CDH13: variants seen among roughly 807,000 people sequenced by gnomAD.
CDH13 encodes the protein cadherin 13.
A neutral mutation model predicts 63.8 loss-of-function variants in CDH13; 24 were observed. That is an observed-to-expected ratio of 0.38 (90% confidence interval 0.27 to 0.53). The LOEUF is 0.53. Ranked by LOEUF, CDH13 falls within the 20% of genes least tolerant of loss-of-function variation. The pLI is 0.85. For synonymous variants in CDH13, 503 were observed against 355.3 expected, an observed-to-expected ratio of 1.42 and a Z score of -4.67; for missense variants, 1,049 against 903.1, an observed-to-expected ratio of 1.16 and a Z score of -2.07.
chr16:83,294,195 C>A lies in CDH13; in HGVS notation c.637-50667C>A, dbSNP rs545095135. ...TACATTGTGGAATGATTAAATCTAG[C>A]TAATGAACATATGCATTATGTCACA... is the stretch of plus-strand genomic sequence containing the variant. On this transcript the variant is annotated intron_variant, in intron 5 of 13. Transcript: ENST00000567109. Among the ~76,000 whole-genome samples the A allele has an allele frequency of 5.9e-5, 9 of 152,188 alleles. No homozygotes were observed. In the South Asian group the frequency reaches 1.9e-3, roughly 32 times the overall value.
intron 1 of CDH13, among the ~76,000 whole-genome samples, chr16:82,673,002 T>TTTTTTTTC (rs1913463064): frequency 8.7e-6 from 1 of 114,438 alleles, no homozygotes; most frequent in African/African-American, 3.6e-5. Flanking sequence ...AAGTTTTCTT[T>TTTTTTTTC]TTTTTTTTTT....
intron 6 of CDH13, among the ~76,000 whole-genome samples, chr16:83,445,226 TG>T (rs1406883882): frequency 6.9e-6 from 1 of 144,472 alleles, no homozygotes; most frequent in Non-Finnish European, 1.5e-5. Context: ...AAACTGAGGC[TG>T]CGAGAGTTTA....
chr16:83,023,786 A>T (rs1342332635), intron 2 of CDH13, among the ~76,000 whole-genome samples: 2 of 152,210 alleles, frequency 1.3e-5, no homozygotes, highest in East Asian at 3.8e-4. Flanking sequence ...GGCTGATGTC[A>T]TCACATGCAC....
chr16:83,145,101 G>T (rs949333277), intron 4 of CDH13, among the ~76,000 whole-genome samples: 6 of 152,160 alleles, frequency 3.9e-5, no homozygotes, highest in Admixed American at 1.3e-4. Flanking sequence ...TCCATATGCT[G>T]CTCCTCCAAT....
At chr16:83,497,196 A>G (rs1050790178) in intron 7 of CDH13, among the ~76,000 whole-genome samples, 8 of 152,144 alleles carry the variant, frequency 5.3e-5, no homozygotes, top group African/African-American at 1.9e-4. Context: ...ATGCTGCTAT[A>G]AAGACACATG....
intron 5 of CDH13, among the ~76,000 whole-genome samples, chr16:83,277,507 A>T (rs1463950154): frequency 1.3e-5 from 2 of 152,200 alleles, no homozygotes; most frequent in East Asian, 3.9e-4. Context: ...TTAAAGTGTG[A>T]TCAGTGAGAA....
At chr16:82,984,410 G>A (rs1910677768) in intron 2 of CDH13, among the ~76,000 whole-genome samples, 2 of 152,176 alleles carry the variant, frequency 1.3e-5, no homozygotes, top group African/African-American at 4.8e-5. Context: ...TTTAAATTCT[G>A]ACTCTGCTAC....
intron 6 of CDH13, among the ~76,000 whole-genome samples, chr16:83,356,887 C>G (rs1398462821): frequency 1.3e-5 from 2 of 152,134 alleles, no homozygotes; most frequent in Non-Finnish European, 2.9e-5. Flanking sequence ...AGTACCCAAG[C>G]TATTTTATTA....
rs185727610 is a variant in CDH13, at chr16:83,159,210, A to G, written c.483+33709A>G. Among the ~76,000 whole-genome samples, 848 of 152,302 alleles carry G rather than the reference A, an allele frequency of 5.6e-3. 11 individuals are homozygous for G. Among genetic ancestry groups the G allele is most frequent in the Middle Eastern group, 0.02 (6 of 294 alleles). ...CCTGGGGGAAACAAAAAAAAAGACC[A>G]TTCATCAGTCTGCTGATTCTATATC... On this transcript the variant is annotated intron_variant, in intron 4 of 13. Coordinates refer to ENST00000567109, the MANE Select transcript of CDH13 (RefSeq NM_001257.5).
intron 1 of CDH13, among the ~76,000 whole-genome samples, chr16:82,786,710 C>T (rs12933196): frequency 0.3 from 43,369 of 144,254 alleles, 7,034 homozygotes; most frequent in South Asian, 0.45. Context: ...TGTGTCCAAG[C>T]GTTCTCATTG....
chr16:82,796,550 C>T (rs1440461017), intron 1 of CDH13, among the ~76,000 whole-genome samples: 3 of 152,144 alleles, frequency 2.0e-5, no homozygotes, highest in African/African-American at 7.2e-5. Flanking sequence ...TTGAGTCTTC[C>T]CAGGAGGTGT....
chr16:82,815,278 C>G (rs918332741), intron 1 of CDH13, among the ~76,000 whole-genome samples: 11 of 152,148 alleles, frequency 7.2e-5, no homozygotes, highest in African/African-American at 2.7e-4. Flanking sequence ...ATCCACATCA[C>G]AGCTCCACCC....
At chr16:82,705,133 C>T (rs1046717616) in intron 1 of CDH13, 4 of 455,924 alleles carry the variant, frequency 8.8e-6, no homozygotes, top group South Asian at 4.6e-5. Flanking sequence ...GAGATAGTAA[C>T]AGTCTTGCTG....
chr16:83,125,378 C>T lies in CDH13; in HGVS notation c.367-7C>T, dbSNP rs1421546574. On this transcript the variant is annotated splice_region_variant and splice_polypyrimidine_tract_variant and intron_variant, in intron 3 of 13. Transcript: ENST00000567109. ...ATTTTAATCAATCCTTTTGTTTTCC[C>T]TTTTAGGATATATTTAAATTTGCAA... 1 of 1,445,136 alleles carries T rather than the reference C, an allele frequency of 6.9e-7. No individual in the cohort carries two copies. Among genetic ancestry groups the T allele is most frequent in the Non-Finnish European group, 9.7e-7 (1 of 1,027,194 alleles). 89.5% of individuals were successfully genotyped at this position (1,445,136 alleles called of 1,614,324 possible).
At position 83,690,294 on chromosome 16, in the gene CDH13, A is replaced by G. The variant is rs913615975; in HGVS notation, c.1538+11833A>G. On this transcript the variant is annotated intron_variant, in intron 10 of 13. Transcript: ENST00000567109. ...AGTAACTGGTGATTAATGCAAAGAA[A>G]GGAAGCAGAGAAGGAAGGAGGGGAG... is the stretch of plus-strand genomic sequence containing the variant. 2.6e-5 allele frequency among the ~76,000 whole-genome samples: 4 copies of G among 152,234 alleles called. 1 individual carries two copies. Among genetic ancestry groups the G allele is most frequent in the Admixed American group, 2.6e-4 (4 of 15,290 alleles).
At chr16:82,690,921 T>G (rs1915583333) in intron 1 of CDH13, among the ~76,000 whole-genome samples, 1 of 152,172 alleles carries the variant, frequency 6.6e-6, no homozygotes, top group South Asian at 2.1e-4. Flanking sequence ...TAGTTGCCTG[T>G]GGCAGATAAA....
intron 4 of CDH13, among the ~76,000 whole-genome samples, chr16:83,184,158 AAGTC>A (rs1302188124): frequency 1.1e-4 from 16 of 151,242 alleles, no homozygotes; most frequent in East Asian, 1.9e-4. Context: ...AAAAAAAAAA[AAGTC>A]AGAACAATGA....
chr16:82,640,371 G>C (rs971373167), intron 1 of CDH13, among the ~76,000 whole-genome samples: 8 of 152,074 alleles, frequency 5.3e-5, no homozygotes, highest in African/African-American at 1.9e-4. Flanking sequence ...TGTTTGTGTT[G>C]AAATTTTACT....
At chr16:83,028,438 C>G (rs72794188) in intron 2 of CDH13, among the ~76,000 whole-genome samples, 19,856 of 152,140 alleles carry the variant, frequency 0.13, 1,371 homozygotes, top group African/African-American at 0.17. Context: ...GCAGAGCGAT[C>G]AAAAGGCACC....
Sources: allele counts gnomAD v4.1 joint callset (sites outside exome capture counted in the v4.1 genomes callset), GRCh38; gene constraint gnomAD v4.1.1; transcripts MANE v1.5; gene names NCBI Gene and HGNC (gene_info 2026-07-23, HGNC 2026-07-21).